EGFLAM: variants seen among roughly 807,000 people sequenced by gnomAD.
EGFLAM encodes the protein EGF like, fibronectin type III and laminin G domains, also known as pikachurin.
Under a neutral mutation model 113.1 loss-of-function variants are expected in EGFLAM, and 79 were observed. That is an observed-to-expected ratio of 0.70 (90% CI 0.58 to 0.84). The LOEUF is 0.84. Among genes scored for constraint, EGFLAM ranks in the 40% least tolerant of loss-of-function variants. EGFLAM has a pLI of 0.00. For missense variants in EGFLAM, 1,265 were observed against 1,291.6 expected (o/e 0.98, Z 0.32); for synonymous variants, 504 against 487.6 (o/e 1.03, Z -0.44).
intron 1 of EGFLAM, among the ~76,000 whole-genome samples, chr5:38,309,717 G>A (rs1738368524): frequency 6.6e-6 from 1 of 152,164 alleles, no homozygotes; most frequent in African/African-American, 2.4e-5. Flanking sequence ...TCCCCGTGTG[G>A]CTGGTGTCTG....
intron 12 of EGFLAM, among the ~76,000 whole-genome samples, chr5:38,420,739 T>A (rs530482602): frequency 6.6e-6 from 1 of 152,312 alleles, no homozygotes; most frequent in South Asian, 2.1e-4. Flanking sequence ...CATGGCAACC[T>A]CTGACAGGTA....
At chr5:38,316,039 T>A (rs140253377) in intron 1 of EGFLAM, among the ~76,000 whole-genome samples, 2,063 of 142,848 alleles carry the variant, frequency 0.014, 50 homozygotes, top group African/African-American at 0.05. Flanking sequence ...ATCGCGCCAC[T>A]GCACCCCAGC....
intron 10 of EGFLAM, among the ~76,000 whole-genome samples, chr5:38,411,407 A>G (rs1451447631): frequency 6.6e-6 from 1 of 152,042 alleles, no homozygotes; most frequent in Non-Finnish European, 1.5e-5. Flanking sequence ...CAGCCTGGGC[A>G]ACAGAGCGAG....
intron 1 of EGFLAM, among the ~76,000 whole-genome samples, chr5:38,327,292 T>C (rs1472339809): frequency 6.6e-6 from 1 of 152,208 alleles, no homozygotes; most frequent in Admixed American, 6.5e-5. Context: ...TTTCCTTTAG[T>C]AACCAAGGAG....
chr5:38,376,821 C>CCA (rs557184831), intron 6 of EGFLAM, among the ~76,000 whole-genome samples: 109 of 152,212 alleles, frequency 7.2e-4, no homozygotes, highest in African/African-American at 2.5e-3. Context: ...TAGGCACATA[C>CCA]CATCACGCCT....
chr5:38,448,122 C>T (rs1579946641), intron 17 of EGFLAM, 179 bp from the exon 18 acceptor site: 2 of 646,190 alleles, frequency 3.1e-6, no homozygotes, highest in South Asian at 1.9e-5. Flanking sequence ...AAGCCAACCC[C>T]AGGCCATGGG....
intron 6 of EGFLAM, among the ~76,000 whole-genome samples, chr5:38,396,278 G>GAA (rs1373475609): frequency 6.7e-6 from 1 of 150,286 alleles, no homozygotes; most frequent in East Asian, 1.9e-4. Context: ...GAGAGAGAGA[G>GAA]AACCCACCAA....
chr5:38,463,426 T>C (rs1743357753), intron 21 of EGFLAM, among the ~76,000 whole-genome samples: 1 of 152,252 alleles, frequency 6.6e-6, no homozygotes, highest in Non-Finnish European at 1.5e-5. Flanking sequence ...CTATATGATA[T>C]TTTCTATTGA....
At chr5:38,309,906 AG>A (rs1398996740) in intron 1 of EGFLAM, among the ~76,000 whole-genome samples, 2 of 152,236 alleles carry the variant, frequency 1.3e-5, no homozygotes, top group Non-Finnish European at 2.9e-5. Flanking sequence ...AATATTGCAC[AG>A]TAACACCAAA....
intron 9 of EGFLAM, 127 bp downstream of exon 9, chr5:38,408,032 A>G: frequency 1.5e-6 from 1 of 663,322 alleles, no homozygotes; most frequent in East Asian, 2.7e-5. Flanking sequence ...TATGACACAG[A>G]GCCTGTCTCT....
intron 13 of EGFLAM, 135 bp downstream of exon 13, chr5:38,425,227 G>T: frequency 7.5e-7 from 1 of 1,330,728 alleles, no homozygotes. Flanking sequence ...TACCCAGGCC[G>T]GAGTGCAGTG....
rs957179650 is a variant in EGFLAM, at chr5:38,464,068, C to A, written c.*82C>A. 2 of 1,546,068 alleles carry A rather than the reference C, an allele frequency of 1.3e-6. No homozygotes were observed. The highest frequency in any genetic ancestry group is 8.8e-7 in the Non-Finnish European group (1 of 1,131,194). On this transcript the variant is annotated 3_prime_UTR_variant, in exon 22 of 22. Coordinates refer to ENST00000322350, the MANE Select transcript of EGFLAM (RefSeq NM_152403.4). ...CTCAGACCCTGCCTGATGCTATATG[C>A]AGAGGCCCAGGGACCAGGTGTGTTT...
intron 3 of EGFLAM, among the ~76,000 whole-genome samples, chr5:38,346,177 A>G (rs796471074): frequency 1.3e-5 from 2 of 152,258 alleles, no homozygotes; most frequent in African/African-American, 4.8e-5. Context: ...GAATTTTTTG[A>G]TCTATATATG....
chr5:38,425,485 CA>C (rs1007035178), intron 13 of EGFLAM, among the ~76,000 whole-genome samples: 6 of 152,084 alleles, frequency 3.9e-5, no homozygotes, highest in African/African-American at 1.4e-4. Flanking sequence ...GTACTTTTAA[CA>C]AATCTAACAA....
intron 1 of EGFLAM, among the ~76,000 whole-genome samples, chr5:38,264,173 A>AG (rs1579699900): frequency 6.6e-6 from 1 of 152,030 alleles, no homozygotes. Flanking sequence ...CTCTGGCACT[A>AG]GGGGGGCTGG....
intron 1 of EGFLAM, among the ~76,000 whole-genome samples, chr5:38,312,443 T>C (rs1266642220): frequency 1.3e-5 from 2 of 151,962 alleles, no homozygotes; most frequent in Non-Finnish European, 2.9e-5. Flanking sequence ...GGTTTCACCA[T>C]GTTAGCCAGG....
At chr5:38,432,471 C>G (rs1237314166) in intron 15 of EGFLAM, among the ~76,000 whole-genome samples, 4 of 112,242 alleles carry the variant, frequency 3.6e-5, no homozygotes, top group African/African-American at 1.4e-4. Flanking sequence ...CTATATATAT[C>G]TGTGGAAGGG....
At chr5:38,437,944 T>G (rs1742401179) in intron 16 of EGFLAM, among the ~76,000 whole-genome samples, 1 of 151,978 alleles carries the variant, frequency 6.6e-6, no homozygotes, top group South Asian at 2.1e-4. Flanking sequence ...GCCAACATGG[T>G]GAAACCCCAT....
chr5:38,434,827 T>C (rs1454164320), intron 15 of EGFLAM, among the ~76,000 whole-genome samples: 2 of 152,188 alleles, frequency 1.3e-5, no homozygotes, highest in African/African-American at 4.8e-5. Flanking sequence ...TGGGGAGGGG[T>C]ACCTGTGAAC....
Sources: gnomAD v4.1 joint callset for allele counts (sites outside exome capture counted in the v4.1 genomes callset) on GRCh38, gnomAD v4.1.1 for gene constraint, MANE v1.5 for transcripts, NCBI Gene and HGNC (gene_info 2026-07-23, HGNC 2026-07-21) for gene names.